The following DPP10 variants were observed in gnomAD, a reference collection of about 807,000 sequenced individuals.
DPP10 encodes dipeptidyl peptidase like 10.
In DPP10, 33 loss-of-function variants were observed where a neutral mutation model predicts 120.9. That is an observed-to-expected ratio of 0.27 (90% CI 0.21 to 0.37). The LOEUF (loss-of-function observed/expected upper bound fraction) is 0.37, where lower values mean the gene tolerates loss of function less well. Ranked by LOEUF, DPP10 falls within the 10% of genes least tolerant of loss-of-function variation. DPP10 has a pLI of 1.00. For missense variants in DPP10, 816 were observed against 942.8 expected (o/e 0.87, Z 1.76); for synonymous variants, 337 against 326.1 (o/e 1.03, Z -0.36).
At chr2:115,138,284 A>G (rs1360973135) in intron 1 of DPP10, among the ~76,000 whole-genome samples, 2 of 152,120 alleles carry the variant, frequency 1.3e-5, no homozygotes, top group African/African-American at 4.8e-5. Flanking sequence ...TTCATAGATT[A>G]TTTGGTGATA....
chr2:115,625,681 A>G (rs2149297966), intron 5 of DPP10, among the ~76,000 whole-genome samples: 1 of 152,246 alleles, frequency 6.6e-6, no homozygotes, highest in East Asian at 1.9e-4. Context: ...ATGTTTAGGC[A>G]TGTAACATGA....
chr2:115,480,725 A>T (rs889873052), intron 3 of DPP10, among the ~76,000 whole-genome samples: 13 of 152,162 alleles, frequency 8.5e-5, no homozygotes, highest in African/African-American at 3.1e-4. Flanking sequence ...GAAGAACAGG[A>T]AGGCTCATCT....
intron 3 of DPP10, among the ~76,000 whole-genome samples, chr2:115,445,348 G>A (rs2072478170): frequency 2.6e-5 from 4 of 152,184 alleles, no homozygotes; most frequent in Admixed American, 2.0e-4. Context: ...GACAGGCAGA[G>A]GTTGGAACAG....
intron 1 of DPP10, among the ~76,000 whole-genome samples, chr2:114,656,529 A>G (rs1367586230): frequency 6.6e-6 from 1 of 152,172 alleles, no homozygotes; most frequent in Non-Finnish European, 1.5e-5. Flanking sequence ...ATAGCCTTCA[A>G]AGAAAGAAAG....
At chr2:114,673,354 C>T (rs1017560789) in intron 1 of DPP10, among the ~76,000 whole-genome samples, 7 of 152,046 alleles carry the variant, frequency 4.6e-5, no homozygotes, top group African/African-American at 1.2e-4. Context: ...GAAAGAACCC[C>T]GAAGCCATGT....
At chr2:115,470,817 A>G (rs959891059) in intron 3 of DPP10, among the ~76,000 whole-genome samples, 45 of 152,226 alleles carry the variant, frequency 3.0e-4, no homozygotes, top group African/African-American at 1.1e-3. Context: ...TTTCACTTCT[A>G]ACAGTTACAT....
chr2:114,618,889 T>C (rs1469725556), intron 1 of DPP10, among the ~76,000 whole-genome samples: 1 of 152,006 alleles, frequency 6.6e-6, no homozygotes, highest in Non-Finnish European at 1.5e-5. Flanking sequence ...AGGGCGGCTT[T>C]GCGTTGTAAT....
At chr2:115,197,682 T>C (rs2055384151) in intron 1 of DPP10, among the ~76,000 whole-genome samples, 1 of 152,230 alleles carries the variant, frequency 6.6e-6, no homozygotes, top group South Asian at 2.1e-4. Context: ...TAGATGACTT[T>C]ATCTGGGTAG....
chr2:115,091,114 C>A (rs1709217269), intron 1 of DPP10, among the ~76,000 whole-genome samples: 1 of 152,048 alleles, frequency 6.6e-6, no homozygotes, highest in Non-Finnish European at 1.5e-5. Flanking sequence ...GCTTTCCCAC[C>A]CTCCTCATTC....
intron 3 of DPP10, among the ~76,000 whole-genome samples, chr2:115,378,040 T>A (rs2065956473): frequency 6.6e-6 from 1 of 152,002 alleles, no homozygotes; most frequent in Non-Finnish European, 1.5e-5. Context: ...ATGCGGGCTG[T>A]TTTTTGGTTC....
At chr2:114,443,383 T>C (rs996111991) in intron 1 of DPP10, among the ~76,000 whole-genome samples, 2 of 152,186 alleles carry the variant, frequency 1.3e-5, no homozygotes, top group African/African-American at 4.8e-5. Context: ...TATCACCATG[T>C]AACTCAAAAC....
intron 1 of DPP10, among the ~76,000 whole-genome samples, chr2:114,741,233 G>T (rs1266829597): frequency 2.0e-5 from 3 of 152,130 alleles, no homozygotes; most frequent in Non-Finnish European, 2.9e-5. Flanking sequence ...TAACCTTTCT[G>T]TACCTTATCC....
intron 1 of DPP10, among the ~76,000 whole-genome samples, chr2:115,248,401 T>C (rs1309192545): frequency 6.6e-6 from 1 of 152,116 alleles, no homozygotes; most frequent in East Asian, 1.9e-4. Flanking sequence ...AAGATATTTC[T>C]TTCTTTTTTC....
At chr2:115,377,758 G>A (rs1191581900) in intron 3 of DPP10, among the ~76,000 whole-genome samples, 6 of 151,856 alleles carry the variant, frequency 4.0e-5, no homozygotes. Flanking sequence ...TCCAGTTTCA[G>A]CTTTCTACAT....
At chr2:114,814,958 G>A (rs74926038) in intron 1 of DPP10, among the ~76,000 whole-genome samples, 3,234 of 152,218 alleles carry the variant, frequency 0.021, 110 homozygotes, top group African/African-American at 0.069. Context: ...GAGGGGCCTG[G>A]CAGGAGTTTA....
chr2:115,133,145 GTATATATATATA>G lies in DPP10; in HGVS notation c.61-176073_61-176062del, dbSNP rs1246180843. 9.8e-3 allele frequency among the ~76,000 whole-genome samples: 282 copies of G among 28,776 alleles called. 9 individuals are homozygous for G. Among genetic ancestry groups the G allele is most frequent in the African/African-American group, 0.034 (268 of 7,904 alleles). The allele number at this position is 28,776 out of a possible 152,430, so 18.9% of individuals were successfully genotyped here. A position where few individuals can be genotyped will look rare whatever the true frequency, so the allele number is the denominator to read the frequency against. ...TGTGTGTGTGTGTGTGTGTGTGTGTGTATATATATATATATATATATATATATATATAGTTTT... is the reference window on the plus strand; with the variant it reads ...TGTGTGTGTGTGTGTGTGTGTGTGTGTATATATATATATATATATAGTTTT... On this transcript the variant is annotated intron_variant, in intron 1 of 25. Transcript: ENST00000410059.
chr2:115,349,790 A>T (rs1481117039), intron 3 of DPP10, among the ~76,000 whole-genome samples: 1 of 152,064 alleles, frequency 6.6e-6, no homozygotes, highest in Non-Finnish European at 1.5e-5. Flanking sequence ...GTCATACTAG[A>T]ATTATTGTCC....
At chr2:114,470,753 T>A (rs1262063797) in intron 1 of DPP10, among the ~76,000 whole-genome samples, 1 of 152,238 alleles carries the variant, frequency 6.6e-6, no homozygotes, top group Non-Finnish European at 1.5e-5. Context: ...TTATATTTTA[T>A]CTTCTCCCAC....
chr2:115,132,646 G>A (rs1271834041), intron 1 of DPP10, among the ~76,000 whole-genome samples: 1 of 152,032 alleles, frequency 6.6e-6, no homozygotes, highest in Non-Finnish European at 1.5e-5. Flanking sequence ...CCAAAAGGGA[G>A]GGGATATAAT....
Sources: gnomAD v4.1 joint callset for allele counts (sites outside exome capture counted in the v4.1 genomes callset) on GRCh38, gnomAD v4.1.1 for gene constraint, MANE v1.5 for transcripts, NCBI Gene and HGNC (gene_info 2026-07-23, HGNC 2026-07-21) for gene names.